STOX2: variants seen among roughly 807,000 people sequenced by gnomAD.
STOX2 encodes the protein storkhead box 2.
In STOX2, 28 loss-of-function variants were observed where a neutral mutation model predicts 60.9. That is an observed-to-expected ratio of 0.46 (90% CI 0.34 to 0.63). The LOEUF (loss-of-function observed/expected upper bound fraction) is 0.63. Among genes scored for constraint, STOX2 ranks in the 30% least tolerant of loss-of-function variants. The probability of loss-of-function intolerance (pLI) is 0.01; values close to 1 mark genes in which losing one functional copy is unlikely to be tolerated. For synonymous variants in STOX2, 472 were observed against 463.9 expected (o/e 1.02, Z -0.22); for missense variants, 1,024 against 1,187.7 (o/e 0.86, Z 2.03).
intron 1 of STOX2, among the ~76,000 whole-genome samples, chr4:183,939,257 G>A (rs1049466556): frequency 2.6e-5 from 4 of 152,172 alleles, no homozygotes; most frequent in African/African-American, 7.2e-5. Flanking sequence ...TGAAATCAAC[G>A]TGTTGGATGT....
rs186547010 is a variant in STOX2, at chr4:183,952,175, A to G, written c.166+45219A>G. On this transcript the variant is annotated intron_variant, in intron 1 of 3. Coordinates refer to ENST00000308497, the MANE Select transcript of STOX2 (RefSeq NM_020225.3). The stretch of plus-strand genomic sequence containing the variant: ...ATATAAAATGATCCCAGTCATGCAT[A>G]TTTCAAAACAGGGAAACTGCTGCAG... 1.2e-3 allele frequency among the ~76,000 whole-genome samples: 183 copies of G among 152,344 alleles called. 1 individual carries two copies. Among genetic ancestry groups the G allele is most frequent in the African/African-American group, 3.2e-3 (132 of 41,572 alleles).
chr4:183,883,131 C>T (rs1256708656), intron 1 of STOX2, among the ~76,000 whole-genome samples: 1 of 152,050 alleles, frequency 6.6e-6, no homozygotes, highest in African/African-American at 2.4e-5. Flanking sequence ...CATCTACTCC[C>T]TCCTCCCCCC....
At chr4:183,798,777 G>T (rs1315979300) in intron 1 of STOX2, 3 of 985,274 alleles carry the variant, frequency 3.0e-6, no homozygotes, top group African/African-American at 1.7e-5. Flanking sequence ...GAAGGTCGCC[G>T]CCGCGTTTCC....
rs533095778 is a variant in STOX2 at position 183,981,003 on chromosome 4, G to A, written c.167-20322G>A. On this transcript the variant is annotated intron_variant, in intron 1 of 3. Coordinates refer to ENST00000308497, the MANE Select transcript of STOX2 (RefSeq NM_020225.3). ...AAAAGAGCTCTAGGACTCAATAGCA[G>A]TATATGTTTAAAGCAACAGAAATAC... is the stretch of plus-strand genomic sequence containing the variant. Among the ~76,000 whole-genome samples the A allele has an allele frequency of 5.9e-5, 9 of 152,304 alleles. No homozygotes were observed. In the South Asian group the frequency reaches 1.9e-3, roughly 32 times the overall value.
chr4:183,849,911 G>T (rs1411638382), intron 1 of STOX2, among the ~76,000 whole-genome samples: 2 of 151,974 alleles, frequency 1.3e-5, no homozygotes, highest in African/African-American at 4.8e-5. Flanking sequence ...ATGTTTTTCA[G>T]ATATAACCAG....
chr4:183,858,932 CT>C (rs1363411939), intron 1 of STOX2, among the ~76,000 whole-genome samples: 2 of 152,200 alleles, frequency 1.3e-5, no homozygotes, highest in Non-Finnish European at 2.9e-5. Context: ...CACACCGCCC[CT>C]AAGTCATTCT....
chr4:183,951,428 G>A (rs1445054997), intron 1 of STOX2, among the ~76,000 whole-genome samples: 2 of 143,318 alleles, frequency 1.4e-5, no homozygotes, highest in African/African-American at 5.1e-5. Flanking sequence ...TTTAGAGGAC[G>A]ACAGTCTCTC....
chr4:183,802,599 A>G (rs1398828237), intron 1 of STOX2, among the ~76,000 whole-genome samples: 1 of 134,462 alleles, frequency 7.4e-6, no homozygotes, highest in Non-Finnish European at 1.6e-5. Context: ...GGCTGGTTGT[A>G]TTAGTCCATT....
intron 1 of STOX2, among the ~76,000 whole-genome samples, chr4:183,942,075 T>C (rs1190900039): frequency 6.6e-6 from 1 of 152,156 alleles, no homozygotes. Context: ...CCTTCATGCC[T>C]GATGTGTAAA....
chr4:183,855,325 T>C (rs1436412579), intron 1 of STOX2, among the ~76,000 whole-genome samples: 1 of 152,230 alleles, frequency 6.6e-6, no homozygotes, highest in East Asian at 1.9e-4. Context: ...ATGGTGCAGA[T>C]TCTTTTAGTT....
chr4:183,993,864 T>C (rs950026615), intron 1 of STOX2, among the ~76,000 whole-genome samples: 5 of 152,238 alleles, frequency 3.3e-5, no homozygotes, highest in African/African-American at 1.2e-4. Context: ...TGTGAGGTAA[T>C]GGGAGCCGTC....
At chr4:183,874,887 C>T (rs113029972) in intron 1 of STOX2, among the ~76,000 whole-genome samples, 16,088 of 126,870 alleles carry the variant, frequency 0.13, 1,141 homozygotes, top group Middle Eastern at 0.21. Flanking sequence ...GATCATGCCA[C>T]TGCACTCCAG....
At chr4:183,965,984 CATTCA>C (rs1416951680) in intron 1 of STOX2, among the ~76,000 whole-genome samples, 1 of 150,088 alleles carries the variant, frequency 6.7e-6, no homozygotes, top group Non-Finnish European at 1.5e-5. Flanking sequence ...ATAGAGTGAA[CATTCA>C]GTTTTGGACA....
intron 1 of STOX2, among the ~76,000 whole-genome samples, chr4:183,883,997 C>T (rs942283017): frequency 5.3e-5 from 8 of 151,904 alleles, no homozygotes; most frequent in Non-Finnish European, 1.0e-4. Context: ...GGACTACAGG[C>T]GCCCGCCACC....
intron 1 of STOX2, among the ~76,000 whole-genome samples, chr4:183,804,641 T>C (rs1314217092): frequency 1.3e-5 from 2 of 152,226 alleles, no homozygotes; most frequent in African/African-American, 4.8e-5. Flanking sequence ...AGCTTATCTC[T>C]TACATTAAAA....
intron 1 of STOX2, among the ~76,000 whole-genome samples, chr4:183,891,723 G>A (rs773100370): frequency 3.3e-5 from 5 of 151,440 alleles, no homozygotes; most frequent in East Asian, 3.9e-4. Flanking sequence ...TACTTATGTC[G>A]CCACACACCA....
chr4:183,871,221 T>C (rs1295508581), intron 1 of STOX2, among the ~76,000 whole-genome samples: 1 of 152,178 alleles, frequency 6.6e-6, no homozygotes, highest in African/African-American at 2.4e-5. Context: ...TTAACTGTCT[T>C]TCTCTAACTA....
intron 1 of STOX2, among the ~76,000 whole-genome samples, chr4:183,829,844 C>T (rs1201450072): frequency 2.0e-5 from 3 of 152,158 alleles, no homozygotes; most frequent in Non-Finnish European, 2.9e-5. Flanking sequence ...ATTCTCCTCT[C>T]CTGGCCAAGG....
At chr4:183,924,671 C>G (rs938274262) in intron 1 of STOX2, among the ~76,000 whole-genome samples, 1 of 152,026 alleles carries the variant, frequency 6.6e-6, no homozygotes, top group South Asian at 2.1e-4. Flanking sequence ...CGCCCTGGCT[C>G]AGGGTGGAAA....
Sources: gnomAD v4.1 joint callset for allele counts (sites outside exome capture counted in the v4.1 genomes callset) on GRCh38, gnomAD v4.1.1 for gene constraint, MANE v1.5 for transcripts, NCBI Gene and HGNC (gene_info 2026-07-23, HGNC 2026-07-21) for gene names.